The following DOCK2 variants were observed in gnomAD, a reference collection of about 807,000 sequenced individuals.
DOCK2 encodes the protein dedicator of cytokinesis protein 2.
A neutral mutation model predicts 248.9 loss-of-function variants in DOCK2; 87 were observed. The observed-to-expected ratio is 0.35, with a 90% CI of 0.29 to 0.42. The LOEUF is 0.42. Among genes scored for constraint, DOCK2 ranks in the 10% least tolerant of loss-of-function variants. The pLI, the probability that DOCK2 is intolerant of heterozygous loss-of-function variation, is 1.00. For synonymous variants in DOCK2, 805 were observed against 821.6 expected (o/e 0.98, Z 0.35); for missense variants, 1,747 against 2,300.2 (o/e 0.76, Z 4.92).
intron 22 of DOCK2, among the ~76,000 whole-genome samples, chr5:169,734,915 A>C (rs1762956738): frequency 6.6e-6 from 1 of 152,164 alleles, no homozygotes; most frequent in African/African-American, 2.4e-5. Flanking sequence ...CTTTGGGGCA[A>C]AGCTGGCTGC....
At chr5:169,802,189 TCTCA>T (rs1376566798) in intron 25 of DOCK2, among the ~76,000 whole-genome samples, 3 of 152,214 alleles carry the variant, frequency 2.0e-5, no homozygotes, top group Non-Finnish European at 2.9e-5. Context: ...TGAGATGCAG[TCTCA>T]CTCTGTTACC....
At chr5:170,047,656 G>A (rs1756762196) in intron 40 of DOCK2, 42 bp downstream of exon 40, 2 of 1,566,366 alleles carry the variant, frequency 1.3e-6, no homozygotes, top group African/African-American at 2.7e-5. Context: ...AGAGCCCCAG[G>A]GCCTCGGCAT....
In DOCK2 at chr5:170,008,588, T is replaced by C; in HGVS notation, c.3164T>C (p.Ile1055Thr). The C allele has an allele frequency of 6.2e-7, 1 of 1,614,060 alleles. No homozygotes were observed. The highest frequency in any genetic ancestry group is 8.5e-7 in the Non-Finnish European group (1 of 1,179,976). ...TTCTCACACGCCAAATACAACAAAA[T>C]CCTGAATAAGTAGGTTGCATTTTTG... ...EQFSHAKYNK[I>T]LNKYGDMRRL... The change falls in exon 31 of 52, where the codon ATC becomes ACC. Residue 1055 changes from isoleucine (I) to threonine (T), a missense_variant. This residue lies in a region of DOCK2 where 858 missense variants were observed against 1,183.5 expected (regional missense o/e 0.72). Coordinates refer to ENST00000520908, the MANE Select transcript of DOCK2 (RefSeq NM_004946.3).
At chr5:169,737,182 A>G (rs1207354595) in intron 22 of DOCK2, among the ~76,000 whole-genome samples, 1 of 152,174 alleles carries the variant, frequency 6.6e-6, no homozygotes, top group African/African-American at 2.4e-5. Context: ...AGGAGTTGGC[A>G]GGTGAAGAGG....
chr5:170,008,016 T>G (rs1343806549), intron 30 of DOCK2, among the ~76,000 whole-genome samples: 2 of 152,126 alleles, frequency 1.3e-5, no homozygotes, highest in Admixed American at 1.3e-4. Context: ...CAGAATGGAT[T>G]GCAGTTTGGT....
At chr5:170,020,591 C>G (rs554180526) in intron 33 of DOCK2, among the ~76,000 whole-genome samples, 1 of 152,222 alleles carries the variant, frequency 6.6e-6, no homozygotes, top group East Asian at 1.9e-4. Flanking sequence ...CTTATCTTAC[C>G]CACTTTAAAG....
chr5:169,953,904 G>C (rs1395876052), intron 27 of DOCK2, among the ~76,000 whole-genome samples: 1 of 152,210 alleles, frequency 6.6e-6, no homozygotes. Flanking sequence ...GAATAGGAAT[G>C]GTAATTGTAA....
intron 6 of DOCK2, among the ~76,000 whole-genome samples, chr5:169,679,543 A>G (rs1581021504): frequency 1.3e-5 from 2 of 152,218 alleles, no homozygotes; most frequent in South Asian, 4.1e-4. Context: ...AGAATGTTTT[A>G]TTCATGTATT....
At chr5:169,956,352 C>G (rs1581469268) in intron 27 of DOCK2, among the ~76,000 whole-genome samples, 1 of 152,182 alleles carries the variant, frequency 6.6e-6, no homozygotes, top group Non-Finnish European at 1.5e-5. Flanking sequence ...ACAAGTGATA[C>G]TACTAACTTA....
At chr5:169,923,493 A>G (rs1694629410) in intron 27 of DOCK2, among the ~76,000 whole-genome samples, 1 of 152,192 alleles carries the variant, frequency 6.6e-6, no homozygotes, top group Non-Finnish European at 1.5e-5. Flanking sequence ...GCACACACAC[A>G]CACACACACA....
intron 34 of DOCK2, among the ~76,000 whole-genome samples, chr5:170,033,544 A>G (rs769338263): frequency 1.3e-5 from 2 of 152,194 alleles, no homozygotes; most frequent in African/African-American, 4.8e-5. Context: ...GGCCATGTAC[A>G]CTTGCACACA....
intron 26 of DOCK2, among the ~76,000 whole-genome samples, chr5:169,813,519 G>A (rs1767884552): frequency 1.3e-5 from 2 of 152,136 alleles, no homozygotes; most frequent in Admixed American, 6.5e-5. Flanking sequence ...CCCTGCCAGG[G>A]ACTCAAAACA....
intron 45 of DOCK2, among the ~76,000 whole-genome samples, chr5:170,068,195 G>A (rs982078772): frequency 2.0e-5 from 3 of 152,176 alleles, no homozygotes; most frequent in Non-Finnish European, 4.4e-5. Flanking sequence ...AGCCCCACAT[G>A]TTTGAGCCAC....
At chr5:169,802,144 C>T (rs1767036795) in intron 25 of DOCK2, among the ~76,000 whole-genome samples, 1 of 152,142 alleles carries the variant, frequency 6.6e-6, no homozygotes, top group Non-Finnish European at 1.5e-5. Flanking sequence ...ACATACCCTT[C>T]TCTGCAAAAG....
At chr5:169,928,011 C>A (rs911044340) in intron 27 of DOCK2, among the ~76,000 whole-genome samples, 2 of 152,122 alleles carry the variant, frequency 1.3e-5, no homozygotes, top group African/African-American at 4.8e-5. Context: ...CTCACAGATC[C>A]ATGTGTGTGT....
chr5:170,043,679 C>T (rs1382355596), intron 38 of DOCK2, among the ~76,000 whole-genome samples: 1 of 152,242 alleles, frequency 6.6e-6, no homozygotes, highest in African/African-American at 2.4e-5. Context: ...TTATAAGCCT[C>T]TTGAGGGCAG....
At chr5:169,998,160 G>T (rs1754713049) in intron 30 of DOCK2, 2 of 404,696 alleles carry the variant, frequency 4.9e-6, no homozygotes, top group Non-Finnish European at 9.7e-6. Flanking sequence ...TCTCTTCATA[G>T]CACTAAATAT....
intron 22 of DOCK2, among the ~76,000 whole-genome samples, chr5:169,738,960 C>G (rs1021801017): frequency 1.3e-5 from 2 of 152,196 alleles, no homozygotes; most frequent in African/African-American, 4.8e-5. Context: ...TCCAGGCACT[C>G]AAACCTCAGT....
intron 1 of DOCK2, among the ~76,000 whole-genome samples, chr5:169,642,507 C>T (rs1203068904): frequency 6.6e-6 from 1 of 152,156 alleles, no homozygotes; most frequent in Non-Finnish European, 1.5e-5. Flanking sequence ...ATCCCAAAGC[C>T]AATGCTTGGA....
Sources: allele counts gnomAD v4.1 joint callset (sites outside exome capture counted in the v4.1 genomes callset), GRCh38; gene constraint gnomAD v4.1.1; regional missense constraint gnomAD v4.1.1; transcripts MANE v1.5; gene names NCBI Gene and HGNC (gene_info 2026-07-23, HGNC 2026-07-21).